Variants in PGM2L1 observed in about 807,000 individuals in gnomAD.
PGM2L1 encodes the protein glucose 1,6-bisphosphate synthase.
In PGM2L1, 35 loss-of-function variants were observed where a neutral mutation model predicts 73.4. The ratio of observed to expected loss-of-function variants is 0.48; its 90% CI spans 0.36 to 0.63. The LOEUF is 0.63. Ranked by LOEUF, PGM2L1 falls within the 30% of genes least tolerant of loss-of-function variation. PGM2L1 has a pLI of 0.00. For synonymous variants in PGM2L1, 225 were observed against 253.8 expected, an observed-to-expected ratio of 0.89 and a Z score of 1.08; for missense variants, 570 against 742.0, an observed-to-expected ratio of 0.77 and a Z score of 2.69.
At chr11:74,371,427 A>G (rs1862751400) in intron 3 of PGM2L1, among the ~76,000 whole-genome samples, 2 of 152,218 alleles carry the variant, frequency 1.3e-5, no homozygotes, top group South Asian at 2.1e-4. Context: ...AAGCTACATA[A>G]TTACTACTAC....
At chr11:74,393,198 G>A (rs979142967) in intron 1 of PGM2L1, among the ~76,000 whole-genome samples, 1 of 152,158 alleles carries the variant, frequency 6.6e-6, no homozygotes, top group African/African-American at 2.4e-5. Context: ...AGCCATATGT[G>A]TATACTGTGT....
intron 5 of PGM2L1, among the ~76,000 whole-genome samples, chr11:74,361,982 T>C (rs1302297278): frequency 6.6e-6 from 1 of 152,144 alleles, no homozygotes; most frequent in Non-Finnish European, 1.5e-5. Flanking sequence ...CTGCAGGATA[T>C]TATCCAGGAG....
intron 2 of PGM2L1, among the ~76,000 whole-genome samples, chr11:74,373,904 A>G (rs1862813235): frequency 6.6e-6 from 1 of 152,232 alleles, no homozygotes; most frequent in African/African-American, 2.4e-5. Flanking sequence ...GTCTGTGACC[A>G]TGAAGATACA....
At chr11:74,376,193 C>A (rs1412672327) in intron 1 of PGM2L1, among the ~76,000 whole-genome samples, 1 of 152,102 alleles carries the variant, frequency 6.6e-6, no homozygotes, top group African/African-American at 2.4e-5. Context: ...ACTGCAGCAT[C>A]TGTATGGATA....
chr11:74,385,570 G>C (rs1264382860), intron 1 of PGM2L1, among the ~76,000 whole-genome samples: 1 of 152,004 alleles, frequency 6.6e-6, no homozygotes, highest in African/African-American at 2.4e-5. Flanking sequence ...GGATACTACA[G>C]AACATGTTTT....
In PGM2L1 at chr11:74,395,549, C is replaced by CTTTTTTTTTTTTTTTTTT. The variant is rs60883108; in HGVS notation, c.111+2484_111+2501dup. ...TACAGGCACGTGACACCTCGCCTGGCTTTTTTTTTTTTTTTTTTTTTTTTT... is the reference window on the plus strand; with the variant it reads ...TACAGGCACGTGACACCTCGCCTGGCTTTTTTTTTTTTTTTTTTTTTTTTTTTTTTTTTTTTTTTTTTT... On this transcript the variant is annotated intron_variant, in intron 1 of 13. Transcript: ENST00000298198. 5.4e-4 allele frequency among the ~76,000 whole-genome samples: 35 copies of CTTTTTTTTTTTTTTTTTT among 64,942 alleles called. 2 individuals are homozygous for CTTTTTTTTTTTTTTTTTT. Among genetic ancestry groups the CTTTTTTTTTTTTTTTTTT allele is most frequent in the South Asian group, 9.6e-4 (1 of 1,046 alleles). 42.6% of individuals were successfully genotyped at this position (64,942 alleles called of 152,430 possible). A position where few individuals can be genotyped will look rare whatever the true frequency, so the allele number is the denominator to read the frequency against.
At chr11:74,383,803 T>G (rs1334056860) in intron 1 of PGM2L1, among the ~76,000 whole-genome samples, 3 of 88,206 alleles carry the variant, frequency 3.4e-5, no homozygotes, top group African/African-American at 1.5e-4. Flanking sequence ...ATACATAGTA[T>G]TCTATGGAGA....
chr11:74,353,308 C>A (rs1052730979), intron 5 of PGM2L1, among the ~76,000 whole-genome samples: 1 of 151,192 alleles, frequency 6.6e-6, no homozygotes, highest in Non-Finnish European at 1.5e-5. Flanking sequence ...TTCGACTGAT[C>A]TTTTCTCTCA....
intron 5 of PGM2L1, among the ~76,000 whole-genome samples, chr11:74,360,673 G>A (rs779674939): frequency 2.6e-5 from 4 of 152,046 alleles, no homozygotes; most frequent in Admixed American, 6.6e-5. Context: ...GGAAGGGGTG[G>A]CACCTGGAAA....
chr11:74,381,461 C>T (rs906995262), intron 1 of PGM2L1, among the ~76,000 whole-genome samples: 2 of 152,146 alleles, frequency 1.3e-5, no homozygotes, highest in Admixed American at 6.6e-5. Context: ...TTACCTCCTA[C>T]CTCATGGACC....
intron 5 of PGM2L1, among the ~76,000 whole-genome samples, chr11:74,367,480 A>G (rs767847828): frequency 4.6e-5 from 7 of 152,214 alleles, no homozygotes; most frequent in Non-Finnish European, 7.3e-5. Flanking sequence ...TTCAACCTCT[A>G]TTTTAGACAT....
intron 5 of PGM2L1, among the ~76,000 whole-genome samples, chr11:74,357,990 A>T (rs1303454081): frequency 6.6e-6 from 1 of 152,246 alleles, no homozygotes; most frequent in Non-Finnish European, 1.5e-5. Context: ...CAGTAAAAAG[A>T]TCAGTGTTTG....
rs937906341 is a variant in PGM2L1, at chr11:74,331,463, T to C, written c.*5189A>G. 1 of 152,310 alleles carries C rather than the reference T, an allele frequency of 6.6e-6. No individual in the cohort carries two copies. The highest frequency in any genetic ancestry group is 2.4e-5 in the African/African-American group (1 of 41,394). 9.4% of individuals were successfully genotyped at this position (152,310 alleles called of 1,614,324 possible). The stretch of plus-strand genomic sequence containing the variant: ...TTTTAGTGGACACAGGGTTTCTCCA[T>C]GTCGGTCAGGCTAGTCTCAATCTCC... On this transcript the variant is annotated 3_prime_UTR_variant, in exon 14 of 14. Coordinates refer to ENST00000298198, the MANE Select transcript of PGM2L1 (RefSeq NM_173582.6).
chr11:74,345,950 G>A (rs1862254793), intron 8 of PGM2L1, among the ~76,000 whole-genome samples: 1 of 151,886 alleles, frequency 6.6e-6, no homozygotes, highest in East Asian at 1.9e-4. Context: ...ACATTATAAT[G>A]GTAAAAATAC....
At chr11:74,371,596 A>T (rs1862754539) in intron 3 of PGM2L1, 115 bp downstream of exon 3, 1 of 730,562 alleles carries the variant, frequency 1.4e-6, no homozygotes, top group Admixed American at 2.5e-5. Flanking sequence ...TTAGCATGTG[A>T]TCACATTTCT....
intron 1 of PGM2L1, among the ~76,000 whole-genome samples, chr11:74,383,474 T>C (rs1489031542): frequency 1.3e-5 from 2 of 152,180 alleles, no homozygotes; most frequent in African/African-American, 4.8e-5. Context: ...CTTTATTTTA[T>C]ATTCCAGATA....
chr11:74,388,887 C>G (rs1863051934), intron 1 of PGM2L1, among the ~76,000 whole-genome samples: 1 of 152,160 alleles, frequency 6.6e-6, no homozygotes, highest in Non-Finnish European at 1.5e-5. Context: ...AGTAGTAATG[C>G]AGACCACAGT....
At chr11:74,352,345 T>C (rs1862371120) in intron 5 of PGM2L1, among the ~76,000 whole-genome samples, 1 of 152,196 alleles carries the variant, frequency 6.6e-6, no homozygotes, top group Non-Finnish European at 1.5e-5. Context: ...CATATTTCTA[T>C]TATAAAGTAG....
intron 5 of PGM2L1, among the ~76,000 whole-genome samples, chr11:74,367,172 G>T (rs1398735283): frequency 1.3e-5 from 2 of 152,140 alleles, no homozygotes; most frequent in Non-Finnish European, 2.9e-5. Context: ...ACAGACTGAA[G>T]GAGGACCACT....
Sources: gnomAD v4.1 joint callset for allele counts (sites outside exome capture counted in the v4.1 genomes callset) on GRCh38, gnomAD v4.1.1 for gene constraint, MANE v1.5 for transcripts, NCBI Gene and HGNC (gene_info 2026-07-23, HGNC 2026-07-21) for gene names.